The following UBXN8 variants were observed in gnomAD, a reference collection of about 807,000 sequenced individuals.
The protein encoded by UBXN8 is UBX domain protein 8.
A neutral mutation model predicts 32.1 loss-of-function variants in UBXN8; 27 were observed. That is an observed-to-expected ratio of 0.84 (90% CI 0.62 to 1.16). The LOEUF (loss-of-function observed/expected upper bound fraction) is 1.16, where lower values mean the gene tolerates loss of function less well. Ranked by LOEUF, UBXN8 falls within the 50% of genes most tolerant of loss-of-function variation. UBXN8 has a pLI of 0.00. For synonymous variants in UBXN8, 109 were observed against 111.8 expected (o/e 0.98, Z 0.16); for missense variants, 306 against 311.4 (o/e 0.98, Z 0.13).
chr8:30,737,831 C>T (rs1027937691), intron 1 of UBXN8, among the ~76,000 whole-genome samples: 46 of 152,042 alleles, frequency 3.0e-4, no homozygotes, highest in South Asian at 2.1e-4. Flanking sequence ...CTGGGCAACA[C>T]GATTGGACCC....
Position 30,754,706 on chromosome 8 carries a change from A to G in UBXN8, c.324A>G (p.Glu108=), listed in dbSNP as rs779754494. 2 of 1,562,458 alleles carry G rather than the reference A, an allele frequency of 1.3e-6. No individual in the cohort carries two copies. Among genetic ancestry groups the G allele is most frequent in the African/African-American group, 1.4e-5 (1 of 70,988 alleles). The change falls in exon 4 of 8, where the codon GAA becomes GAG. Residue 108 remains glutamate, a synonymous_variant. Coordinates refer to ENST00000265616, the MANE Select transcript of UBXN8 (RefSeq NM_005671.4). The stretch of plus-strand genomic sequence containing the variant: ...AGAATGTTTTAAAACCTCACCAGGA[A>G]ATGAAATTGAGAAAACTGGAGGAGC... ...YIENVLKPHQ[E]MKLRKLEERF...
chr8:30,746,091 T>C (rs1805350401), intron 1 of UBXN8, among the ~76,000 whole-genome samples: 2 of 152,182 alleles, frequency 1.3e-5, no homozygotes, highest in South Asian at 4.1e-4. Flanking sequence ...ATGGAATTTG[T>C]TTTTGTATTC....
intron 1 of UBXN8, among the ~76,000 whole-genome samples, chr8:30,749,669 G>C (rs990813183): frequency 6.7e-6 from 1 of 149,120 alleles, no homozygotes; most frequent in Admixed American, 6.8e-5. Context: ...GCCATGGCAC[G>C]ATCTTGGCTC....
chr8:30,743,590 A>C (rs1312603854), upstream of UBXN8, among the ~76,000 whole-genome samples: 1 of 152,226 alleles, frequency 6.6e-6, no homozygotes, highest in Non-Finnish European at 1.5e-5. Flanking sequence ...TAACGCGTGC[A>C]GGCAAAACTG....
intron 1 of UBXN8, among the ~76,000 whole-genome samples, chr8:30,735,820 C>G (rs1181370407): frequency 6.6e-6 from 1 of 152,210 alleles, no homozygotes; most frequent in African/African-American, 2.4e-5. Context: ...GCCTGGGGGA[C>G]AGAGTGAGAC....
At chr8:30,760,433 ATATATATATATTT>A (rs1435184495) in intron 5 of UBXN8, among the ~76,000 whole-genome samples, 1 of 39,600 alleles carries the variant, frequency 2.5e-5, no homozygotes, top group Non-Finnish European at 5.0e-5. Context: ...ATATATATAT[ATATATATATATTT>A]TTTTTTTTTT....
intron 3 of UBXN8, chr8:30,754,325 T>G (rs1286029040): frequency 9.8e-6 from 4 of 409,466 alleles, no homozygotes; most frequent in Non-Finnish European, 2.0e-5. Flanking sequence ...GTTTCCCATT[T>G]GTGACAAATC....
chr8:30,740,973 T>G (rs753568786), upstream of UBXN8, among the ~76,000 whole-genome samples: 3 of 152,196 alleles, frequency 2.0e-5, no homozygotes, highest in African/African-American at 4.8e-5. Context: ...CAAATCACCT[T>G]CCTTGTCAAA....
upstream of UBXN8, among the ~76,000 whole-genome samples, chr8:30,743,865 G>A (rs185933944): frequency 3.0e-4 from 45 of 152,326 alleles, no homozygotes; most frequent in East Asian, 5.6e-3. Flanking sequence ...TTTCCCTCTG[G>A]AAAGCGCTTT....
At chr8:30,763,227 C>T (rs1437698659) in intron 6 of UBXN8, 46 bp from the exon 7 acceptor site, 23 of 1,581,488 alleles carry the variant, frequency 1.5e-5, no homozygotes, top group Non-Finnish European at 2.0e-5. Context: ...AAAGGAATTG[C>T]AAAGAGCAAT....
Position 30,756,781 on chromosome 8 carries a change from G to C in UBXN8, c.422G>C (p.Ser141Thr). 6.2e-7 allele frequency: 1 copy of C among 1,614,030 alleles called. No homozygotes were observed. Among genetic ancestry groups the C allele is most frequent in the Non-Finnish European group, 8.5e-7 (1 of 1,179,898 alleles). Residue 141 changes from serine to threonine, a missense_variant, in exon 5 of 8, where the codon AGT (serine) becomes ACT (threonine). Ser to Thr is a moderately conservative substitution (Grantham distance 58). Coordinates refer to ENST00000265616, the MANE Select transcript of UBXN8 (RefSeq NM_005671.4). ...GHKLGGDEGTSQTSFETSNRE... is the reference protein window; with the variant it reads ...GHKLGGDEGTTQTSFETSNRE... Reference sequence around the variant, plus strand: ...TTTGACCAGGGTGATGAAGGTACAAGTCAGACATCTTTTGAAACATCAAAC... The same window carrying C: ...TTTGACCAGGGTGATGAAGGTACAACTCAGACATCTTTTGAAACATCAAAC...
intron 7 of UBXN8, among the ~76,000 whole-genome samples, chr8:30,763,625 T>G (rs2128756981): frequency 6.6e-6 from 1 of 152,348 alleles, no homozygotes; most frequent in East Asian, 1.9e-4. Context: ...TATCATAATT[T>G]GATGGGCAAG....
upstream of UBXN8, among the ~76,000 whole-genome samples, chr8:30,740,992 A>G (rs1203557235): frequency 6.6e-6 from 1 of 152,172 alleles, no homozygotes; most frequent in Non-Finnish European, 1.5e-5. Flanking sequence ...AAAAAGAGGG[A>G]AAATCTAACT....
chr8:30,761,010 A>C (rs1416827380), intron 6 of UBXN8, 81 bp downstream of exon 6: 5 of 1,037,592 alleles, frequency 4.8e-6, no homozygotes, highest in Non-Finnish European at 2.8e-6. Flanking sequence ...TCTTATCTAA[A>C]CTTGGGTTTA....
At position 30,756,803 on chromosome 8, in the gene UBXN8, A is replaced by C. The variant is rs765385361; in HGVS notation, c.444A>C (p.Ser148=). The change falls in exon 5 of 8, where the codon TCA becomes TCC. Residue 148 remains serine, a synonymous_variant. Coordinates refer to ENST00000265616, the MANE Select transcript of UBXN8 (RefSeq NM_005671.4). ...EGTSQTSFET[S]NREAAKSQNL... ...CAAGTCAGACATCTTTTGAAACATCAAACAGAGAAGCAGCAAAGAGCCAGA... is the reference window on the plus strand; with the variant it reads ...CAAGTCAGACATCTTTTGAAACATCCAACAGAGAAGCAGCAAAGAGCCAGA... 1.2e-6 allele frequency: 2 copies of C among 1,614,038 alleles called. No individual in the cohort carries two copies. Among genetic ancestry groups the C allele is most frequent in the African/African-American group, 1.3e-5 (1 of 75,062 alleles).
chr8:30,744,070 T>C (rs1052695527), upstream of UBXN8: 1 of 830,906 alleles, frequency 1.2e-6, no homozygotes, highest in African/African-American at 1.7e-5. Flanking sequence ...CGGCCGTCAG[T>C]ATTTACCACG....
At chr8:30,765,142 G>C (rs1805964726) in intron 7 of UBXN8, among the ~76,000 whole-genome samples, 1 of 151,952 alleles carries the variant, frequency 6.6e-6, no homozygotes, top group Non-Finnish European at 1.5e-5. Flanking sequence ...TGAACTCCTG[G>C]GTTCAAATGA....
chr8:30,757,097 GA>G (rs1805684155), intron 5 of UBXN8, among the ~76,000 whole-genome samples: 1 of 151,964 alleles, frequency 6.6e-6, no homozygotes. Context: ...GAGGCCGATG[GA>G]GGTTGAGGCC....
intron 3 of UBXN8, 101 bp from the exon 4 acceptor site, chr8:30,754,564 G>T (rs954694193): frequency 2.5e-5 from 36 of 1,445,118 alleles, no homozygotes; most frequent in Non-Finnish European, 3.2e-5. Flanking sequence ...TGTTCAGCCA[G>T]CAGGGTTCTT....
Sources: gnomAD v4.1 joint callset for allele counts (sites outside exome capture counted in the v4.1 genomes callset) on GRCh38, gnomAD v4.1.1 for gene constraint, MANE v1.5 for transcripts, NCBI Gene and HGNC (gene_info 2026-07-23, HGNC 2026-07-21) for gene names.